The following MMP7 variants were observed in gnomAD, a reference collection of about 807,000 sequenced individuals.
MMP7 encodes matrix metallopeptidase 7.
A neutral mutation model predicts 31.5 loss-of-function variants in MMP7; 26 were observed. The observed-to-expected ratio is 0.83, with a 90% CI of 0.61 to 1.15. The LOEUF is 1.15. MMP7 is among the 50% of genes most tolerant of loss of function. The pLI, the probability that MMP7 is intolerant of heterozygous loss-of-function variation, is 0.00. For missense variants in MMP7, 367 were observed against 326.5 expected, an observed-to-expected ratio of 1.12 and a Z score of -0.96; for synonymous variants, 142 against 124.2, an observed-to-expected ratio of 1.14 and a Z score of -0.95.
At chr11:102,529,559 A>G (rs907125098) in intron 1 of MMP7, among the ~76,000 whole-genome samples, 5 of 152,224 alleles carry the variant, frequency 3.3e-5, no homozygotes, top group African/African-American at 9.6e-5. Flanking sequence ...TAAAAGTTAA[A>G]TACTAGTAAC....
rs1284952707 is a variant in MMP7, at chr11:102,527,674, T to C, written c.336-2A>G. ...AAGTCTCGAGTATATGATACGATCC[T>C]AGTAGCAAACAAGAAAACAATGTTT... On this transcript the variant is annotated splice_acceptor_variant, in intron 2 of 5. Transcript: ENST00000260227. LOFTEE classifies it high-confidence loss of function. 2.5e-6 allele frequency: 4 copies of C among 1,613,434 alleles called. No homozygotes were observed. The highest frequency in any genetic ancestry group is 3.4e-6 in the Non-Finnish European group (4 of 1,179,650).
Position 102,524,970 on chromosome 11 carries a change from A to G in MMP7, c.579T>C (p.Asp193=). The part of the protein sequence containing the change: ...GTGLGGDAHF[D]EDERWTDGSS... ...TACCATCCGTCCAGCGTTCATCCTC[A>G]TCGAAGTGAGCATCTCCTCCGAGAC... is the stretch of plus-strand genomic sequence containing the variant. The change falls in exon 4 of 6, where the codon GAT becomes GAC. Residue 193 remains aspartate (D), a synonymous_variant. Transcript: ENST00000260227. 1 of 1,613,976 alleles carries G rather than the reference A, an allele frequency of 6.2e-7. No individual in the cohort carries two copies. Among genetic ancestry groups the G allele is most frequent in the Non-Finnish European group, 8.5e-7 (1 of 1,179,922 alleles).
At position 102,527,693 on chromosome 11, in the gene MMP7, A is replaced by G. The variant is rs17882311; in HGVS notation, c.336-21T>C. The stretch of plus-strand genomic sequence containing the variant: ...CGATCCTAGTAGCAAACAAGAAAAC[A>G]ATGTTTGACCCCTAGGAAACAGGCT... On this transcript the variant is annotated intron_variant, in intron 2 of 5. Transcript: ENST00000260227. 770 of 1,608,526 alleles carry G rather than the reference A, an allele frequency of 4.8e-4. 7 individuals are homozygous for G. In the African/African-American group the frequency reaches 9.0e-3, roughly 19 times the overall value.
intron 4 of MMP7, among the ~76,000 whole-genome samples, 159 bp from the exon 5 acceptor site, chr11:102,523,560 G>A (rs11225304): frequency 0.16 from 24,931 of 152,252 alleles, 2,510 homozygotes; most frequent in East Asian, 0.23. Context: ...CAAAAGTGGA[G>A]AGGGGTTAGA....
chr11:102,521,161 G>A (rs930236361), intron 5 of MMP7, among the ~76,000 whole-genome samples: 1 of 152,146 alleles, frequency 6.6e-6, no homozygotes, highest in African/African-American at 2.4e-5. Context: ...TCCATGTGAA[G>A]TCTTGGGATA....
chr11:102,527,326 C>G (rs1446662511), intron 3 of MMP7, 198 bp downstream of exon 3: 9 of 637,064 alleles, frequency 1.4e-5, no homozygotes, highest in Non-Finnish European at 2.3e-5. Context: ...TCATAGTTTG[C>G]CAACTGCTGC....
intron 5 of MMP7, 68 bp downstream of exon 5, chr11:102,523,172 C>G: frequency 7.8e-7 from 1 of 1,285,616 alleles, no homozygotes; most frequent in Non-Finnish European, 1.1e-6. Context: ...CATTTCCCAG[C>G]CTTTCTTTTC....
intron 3 of MMP7, among the ~76,000 whole-genome samples, chr11:102,526,240 A>ATATATTT (rs1437244210): frequency 1.5e-5 from 2 of 131,492 alleles, no homozygotes; most frequent in African/African-American, 5.8e-5. Context: ...ATATATATAT[A>ATATATTT]TTTTTTTTTT....
At chr11:102,525,769 T>TG (rs1443883995) in intron 3 of MMP7, among the ~76,000 whole-genome samples, 8 of 151,676 alleles carry the variant, frequency 5.3e-5, no homozygotes, top group African/African-American at 9.7e-5. Context: ...ATAGGTTTTT[T>TG]TTTTTTTTTT....
intron 3 of MMP7, among the ~76,000 whole-genome samples, chr11:102,525,864 A>G (rs1052759223): frequency 6.8e-6 from 1 of 146,876 alleles, no homozygotes; most frequent in African/African-American, 2.5e-5. Context: ...ATGGCTTTTT[A>G]TAGTCCTTTA....
In MMP7 at chr11:102,524,959, C is replaced by T. The variant is rs765986644; in HGVS notation, c.590G>A (p.Arg197His). The T allele has an allele frequency of 8.7e-6, 14 of 1,614,010 alleles. No individual in the cohort carries two copies. The highest frequency in any genetic ancestry group is 2.2e-5 in the East Asian group (1 of 44,874). Residue 197 changes from arginine to histidine, a missense_variant, in exon 4 of 6, where the codon CGC becomes CAC. Transcript: ENST00000260227. ...ACCTAGACTGCTACCATCCGTCCAG[C>T]GTTCATCCTCATCGAAGTGAGCATC... ...GGDAHFDEDE[R>H]WTDGSSLGIN...
In MMP7 at chr11:102,520,709, A is replaced by T. The variant is rs1591590947; in HGVS notation, c.*67T>A. The T allele has an allele frequency of 7.6e-7, 1 of 1,317,402 alleles. No individual in the cohort carries two copies. The highest frequency in any genetic ancestry group is 1.3e-5 in the South Asian group (1 of 78,704). The allele number at this position is 1,317,402 out of a possible 1,614,324, so 81.6% of individuals were successfully genotyped here. A position where few individuals can be genotyped will look rare whatever the true frequency, so the allele number is the denominator to read the frequency against. On this transcript the variant is annotated 3_prime_UTR_variant, in exon 6 of 6. Coordinates refer to ENST00000260227, the MANE Select transcript of MMP7 (RefSeq NM_002423.5). Reference sequence around the variant, plus strand: ...ATGGAGTGGAGGAACAGTGCTTATCAATTCTGATTGTGCAACAATGATATA... The same window carrying T: ...ATGGAGTGGAGGAACAGTGCTTATCTATTCTGATTGTGCAACAATGATATA...
At position 102,525,056 on chromosome 11, in the gene MMP7, C is replaced by A; in HGVS notation, c.493G>T (p.Asp165Tyr). The change falls in exon 4 of 6, where the codon GAC becomes TAC. Residue 165 changes from aspartate (D) to tyrosine (Y), a missense_variant. Asp to Tyr is a radical substitution (Grantham distance 160). Coordinates refer to ENST00000260227, the MANE Select transcript of MMP7 (RefSeq NM_002423.5). ...MIGFARGAHGDSYPFDGPGNT... is the reference protein window; with the variant it reads ...MIGFARGAHGYSYPFDGPGNT... ...CCTGGCCCATCAAATGGGTAGGAGT[C>A]CCCATGAGCTGAAAGAAAATGGAGT... is the stretch of plus-strand genomic sequence containing the variant. The A allele has an allele frequency of 1.9e-6, 3 of 1,595,474 alleles. No individual in the cohort carries two copies. Among genetic ancestry groups the A allele is most frequent in the Non-Finnish European group, 2.6e-6 (3 of 1,174,626 alleles).
At position 102,523,234 on chromosome 11, in the gene MMP7, T is replaced by C; in HGVS notation, c.775+6A>G. 1 of 1,576,280 alleles carries C rather than the reference T, an allele frequency of 6.3e-7. No individual in the cohort carries two copies. The highest frequency in any genetic ancestry group is 8.6e-7 in the Non-Finnish European group (1 of 1,157,806). Reference sequence around the variant, plus strand: ...AAATCCTCTTATTTGAAATAATAAATATTACCATATAGTTTCTGAATGCCT... The same window carrying C: ...AAATCCTCTTATTTGAAATAATAAACATTACCATATAGTTTCTGAATGCCT... On this transcript the variant is annotated splice_donor_region_variant and intron_variant, in intron 5 of 5. Coordinates refer to ENST00000260227, the MANE Select transcript of MMP7 (RefSeq NM_002423.5).
chr11:102,526,401 A>G (rs934902169), intron 3 of MMP7, among the ~76,000 whole-genome samples: 3 of 151,894 alleles, frequency 2.0e-5, no homozygotes, highest in African/African-American at 7.2e-5. Flanking sequence ...CACCATGCTC[A>G]GCTAATTTTT....
At chr11:102,529,637 A>T (rs181886555) in intron 1 of MMP7, among the ~76,000 whole-genome samples, 87 of 152,352 alleles carry the variant, frequency 5.7e-4, no homozygotes, top group African/African-American at 2.0e-3. Context: ...GTGAATTAAA[A>T]ATTGACTTTT....
intron 3 of MMP7, among the ~76,000 whole-genome samples, chr11:102,525,763 G>GT (rs61047680): frequency 0.44 from 61,287 of 139,760 alleles, 13,361 homozygotes; most frequent in Middle Eastern, 0.5. Context: ...CATTTCATAG[G>GT]TTTTTTTTTT....
Position 102,530,725 on chromosome 11 carries a change from C to A in MMP7, c.-25G>T. On this transcript the variant is annotated 5_prime_UTR_variant, in exon 1 of 6. Transcript: ENST00000260227. ...TAGCTGCCGTCCAGAGACAATTGTT[C>A]TTGGACCTATGGTTGATTTGGTGTT... 6.3e-7 allele frequency: 1 copy of A among 1,599,910 alleles called. No individual in the cohort carries two copies. Among genetic ancestry groups the A allele is most frequent in the South Asian group, 1.1e-5 (1 of 90,272 alleles).
chr11:102,522,955 G>A (rs559038396), intron 5 of MMP7, among the ~76,000 whole-genome samples: 2 of 152,320 alleles, frequency 1.3e-5, no homozygotes, highest in South Asian at 2.1e-4. Context: ...AACTGAGAGA[G>A]GAAGAGCAGT....
Sources: gnomAD v4.1 joint callset for allele counts (sites outside exome capture counted in the v4.1 genomes callset) on GRCh38, gnomAD v4.1.1 for gene constraint, MANE v1.5 for transcripts, NCBI Gene and HGNC (gene_info 2026-07-23, HGNC 2026-07-21) for gene names.